The following CGRRF1 variants were observed in gnomAD, a reference collection of about 807,000 sequenced individuals.
CGRRF1 encodes the protein cell growth regulator with ring finger domain 1.
Under a neutral mutation model 37.2 loss-of-function variants are expected in CGRRF1, and 32 were observed. That is an observed-to-expected ratio of 0.86 (90% CI 0.65 to 1.16). CGRRF1 has a LOEUF of 1.16. CGRRF1 is among the 50% of genes most tolerant of loss of function. The pLI, the probability that CGRRF1 is intolerant of heterozygous loss-of-function variation, is 0.00. For synonymous variants in CGRRF1, 141 were observed against 140.3 expected (o/e 1.00, Z -0.04); for missense variants, 391 against 382.6 (o/e 1.02, Z -0.18).
intron 1 of CGRRF1, among the ~76,000 whole-genome samples, chr14:54,513,964 G>A (rs1488737386): frequency 1.3e-5 from 2 of 152,226 alleles, no homozygotes; most frequent in East Asian, 3.9e-4. Flanking sequence ...AGGTAGACAT[G>A]GACAGAGCTG....
At chr14:54,535,393 A>ACACACC (rs1252336754) in intron 4 of CGRRF1, among the ~76,000 whole-genome samples, 33 of 150,836 alleles carry the variant, frequency 2.2e-4, no homozygotes, top group African/African-American at 7.3e-4. Flanking sequence ...ACACACACAC[A>ACACACC]CTTTTTGTAA....
intron 1 of CGRRF1, among the ~76,000 whole-genome samples, chr14:54,521,852 A>T (rs1437398266): frequency 6.6e-6 from 1 of 152,212 alleles, no homozygotes; most frequent in Non-Finnish European, 1.5e-5. Context: ...CATTTAAAAA[A>T]ATTCAATAAG....
intron 2 of CGRRF1, among the ~76,000 whole-genome samples, chr14:54,525,848 G>C (rs1216127405): frequency 6.6e-6 from 1 of 152,188 alleles, no homozygotes; most frequent in African/African-American, 2.4e-5. Context: ...TGTAATCCCA[G>C]TACTCTGGGA....
chr14:54,528,206 CTTTTTTTTTTT>C (rs758797153), intron 2 of CGRRF1, among the ~76,000 whole-genome samples: 2 of 96,284 alleles, frequency 2.1e-5, no homozygotes, highest in Non-Finnish European at 4.5e-5. Flanking sequence ...TACCTCAATT[CTTTTTTTTTTT>C]TTTTTTTTTT....
Position 54,538,532 on chromosome 14 carries a change from A to G in CGRRF1, c.*149A>G, listed in dbSNP as rs2032639012. 3 of 537,198 alleles carry G rather than the reference A, an allele frequency of 5.6e-6. No homozygotes were observed. Among genetic ancestry groups the G allele is most frequent in the Non-Finnish European group, 9.5e-6 (3 of 316,500 alleles). The allele number at this position is 537,198 out of a possible 1,614,324, so 33.3% of individuals were successfully genotyped here. A position where few individuals can be genotyped will look rare whatever the true frequency, so the allele number is the denominator to read the frequency against. The stretch of plus-strand genomic sequence containing the variant: ...TTTGTATGGTACTTGGATGATAAAA[A>G]TTAATTATTCCTTTCTGCTTAGTGA... On this transcript the variant is annotated 3_prime_UTR_variant, in exon 6 of 6. Coordinates refer to ENST00000216420, the MANE Select transcript of CGRRF1 (RefSeq NM_006568.3).
At chr14:54,536,761 T>G (rs1221125706) in intron 4 of CGRRF1, 2 of 152,224 alleles carry the variant, frequency 1.3e-5, no homozygotes, top group African/African-American at 4.8e-5. Context: ...ACCTTTAATT[T>G]GTGACACACC....
chr14:54,522,255 T>G (rs1211919712), intron 1 of CGRRF1, among the ~76,000 whole-genome samples, 199 bp from the exon 2 acceptor site: 2 of 152,204 alleles, frequency 1.3e-5, no homozygotes, highest in African/African-American at 4.8e-5. Flanking sequence ...CAAATATTTT[T>G]GATGTGCACT....
At chr14:54,511,665 G>T (rs2032132140) in intron 1 of CGRRF1, among the ~76,000 whole-genome samples, 1 of 152,208 alleles carries the variant, frequency 6.6e-6, no homozygotes, top group Non-Finnish European at 1.5e-5. Context: ...TGTTTGTAGT[G>T]GTTAACAGAC....
intron 4 of CGRRF1, among the ~76,000 whole-genome samples, chr14:54,534,348 C>T (rs1484448126): frequency 6.6e-6 from 1 of 152,130 alleles, no homozygotes; most frequent in African/African-American, 2.4e-5. Flanking sequence ...TGGTCTTGAA[C>T]TCCTGACCTC....
At position 54,531,718 on chromosome 14, in the gene CGRRF1, A is replaced by G. The variant is rs115901613; in HGVS notation, c.570+668A>G. ...CTCCTTTCCTCATTATGTGCTAATT[A>G]TTTTTTCAGTCTGATAGTTGATTCC... is the stretch of plus-strand genomic sequence containing the variant. On this transcript the variant is annotated intron_variant, in intron 4 of 5. Transcript: ENST00000216420. Among the ~76,000 whole-genome samples, 393 of 152,132 alleles carry G rather than the reference A, an allele frequency of 2.6e-3. 3 individuals are homozygous for G. The highest frequency in any genetic ancestry group is 8.8e-3 in the African/African-American group (365 of 41,506).
rs556976241 is a variant in CGRRF1 at position 54,530,125 on chromosome 14, A to G, written c.321A>G (p.Leu107=). ...ACTGGGGGTGCAGTGTTCAAAAATT[A>G]TATGAAGCTCTGCAGAAGCATGTTT... ...TCYWGCSVQK[L]YEALQKHVYC... is the part of the protein sequence containing the mutation. Residue 107 remains leucine (L), a synonymous_variant, in exon 3 of 6, where the codon TTA becomes TTG. Transcript: ENST00000216420. 3 of 1,613,594 alleles carry G rather than the reference A, an allele frequency of 1.9e-6. No individual in the cohort carries two copies. In the Admixed American group the frequency reaches 5.0e-5, roughly 27 times the overall value.
chr14:54,529,556 A>G (rs1237094501), intron 2 of CGRRF1, among the ~76,000 whole-genome samples: 1 of 152,228 alleles, frequency 6.6e-6, no homozygotes, highest in Non-Finnish European at 1.5e-5. Context: ...CAATGTATAC[A>G]TTAATGTTAG....
At chr14:54,538,018 ATTG>A (rs1175796168) in intron 5 of CGRRF1, 42 bp from the exon 6 acceptor site, 2 of 1,475,214 alleles carry the variant, frequency 1.4e-6, no homozygotes, top group African/African-American at 2.9e-5. Flanking sequence ...TTAAAGAGTA[ATTG>A]TTATTTATAA....
Position 54,537,724 on chromosome 14 carries a change from T to A in CGRRF1, c.573T>A (p.Ile191=). 6.4e-7 allele frequency: 1 copy of A among 1,552,924 alleles called. No homozygotes were observed. Among genetic ancestry groups the A allele is most frequent in the Non-Finnish European group, 8.7e-7 (1 of 1,155,572 alleles). Reference sequence around the variant, plus strand: ...CCAGTGTTCAATTTTTATTTTAGATTTCCATGGTGTCAGTGATTCATATTC... The same window carrying A: ...CCAGTGTTCAATTTTTATTTTAGATATCCATGGTGTCAGTGATTCATATTC... The part of the protein sequence containing the change: ...DEDDREIYDI[I]SMVSVIHIPD... The change falls in exon 5 of 6, where the codon ATT becomes ATA. Residue 191 remains isoleucine, a splice_region_variant and synonymous_variant. Transcript: ENST00000216420.
At chr14:54,523,799 C>A (rs2032362289) in intron 2 of CGRRF1, among the ~76,000 whole-genome samples, 1 of 152,146 alleles carries the variant, frequency 6.6e-6, no homozygotes, top group African/African-American at 2.4e-5. Context: ...CTTTGAAATT[C>A]TTTCGTGACA....
chr14:54,523,587 G>A (rs895264647), intron 2 of CGRRF1, among the ~76,000 whole-genome samples: 12 of 146,868 alleles, frequency 8.2e-5, no homozygotes, highest in African/African-American at 1.5e-4. Flanking sequence ...TGTTTACTTC[G>A]TGGATGAGAA....
chr14:54,528,298 C>T (rs1309319338), intron 2 of CGRRF1, among the ~76,000 whole-genome samples: 2 of 151,068 alleles, frequency 1.3e-5, no homozygotes, highest in Admixed American at 6.6e-5. Flanking sequence ...CTGTAACCTC[C>T]GCCTTCCTAT....
At chr14:54,527,105 A>G (rs944090213) in intron 2 of CGRRF1, among the ~76,000 whole-genome samples, 1 of 152,136 alleles carries the variant, frequency 6.6e-6, no homozygotes, top group African/African-American at 2.4e-5. Flanking sequence ...TTTGATTCTG[A>G]ATTTTCTTAC....
chr14:54,524,234 C>T (rs188880615), intron 2 of CGRRF1, among the ~76,000 whole-genome samples: 9 of 152,288 alleles, frequency 5.9e-5, no homozygotes, highest in East Asian at 5.8e-4. Context: ...TCATTTGCAA[C>T]GTCCTGCTCC....
Sources: gnomAD v4.1 joint callset for allele counts (sites outside exome capture counted in the v4.1 genomes callset) on GRCh38, gnomAD v4.1.1 for gene constraint, MANE v1.5 for transcripts, NCBI Gene and HGNC (gene_info 2026-07-23, HGNC 2026-07-21) for gene names.